STAU2: variants seen among roughly 807,000 people sequenced by gnomAD.
STAU2 encodes the protein double-stranded RNA-binding protein Staufen homolog 2.
In STAU2, 20 loss-of-function variants were observed where a neutral mutation model predicts 65.9. The ratio of observed to expected loss-of-function variants is 0.30; its 90% CI spans 0.21 to 0.44. STAU2 has a LOEUF of 0.44. Ranked by LOEUF, STAU2 falls within the 20% of genes least tolerant of loss-of-function variation. The probability of loss-of-function intolerance (pLI) is 1.00; values close to 1 mark genes in which losing one functional copy is unlikely to be tolerated. For synonymous variants in STAU2, 232 were observed against 233.9 expected (o/e 0.99, Z 0.07); for missense variants, 558 against 683.9 (o/e 0.82, Z 2.05).
At chr8:73,723,633 T>C (rs1160585483) in intron 3 of STAU2, among the ~76,000 whole-genome samples, 1 of 152,236 alleles carries the variant, frequency 6.6e-6, no homozygotes, top group Non-Finnish European at 1.5e-5. Flanking sequence ...TAATTTTTTC[T>C]GCAATGTCTA....
intron 13 of STAU2, among the ~76,000 whole-genome samples, chr8:73,526,584 A>C (rs939132558): frequency 9.9e-5 from 15 of 152,140 alleles, no homozygotes; most frequent in African/African-American, 3.6e-4. Flanking sequence ...TTACTGAAAA[A>C]CGGATATAAA....
intron 9 of STAU2, among the ~76,000 whole-genome samples, chr8:73,611,390 A>G (rs1375449371): frequency 6.6e-6 from 1 of 152,184 alleles, no homozygotes; most frequent in Non-Finnish European, 1.5e-5. Context: ...GTCTGGGAGT[A>G]GGAGAGGACC....
At chr8:73,562,268 T>C (rs1249015584) in intron 12 of STAU2, among the ~76,000 whole-genome samples, 1 of 152,118 alleles carries the variant, frequency 6.6e-6, no homozygotes, top group Non-Finnish European at 1.5e-5. Context: ...GGAGGATCAC[T>C]TGAGGCCACA....
At chr8:73,567,191 G>A (rs1222375777) in intron 12 of STAU2, among the ~76,000 whole-genome samples, 1 of 152,108 alleles carries the variant, frequency 6.6e-6, no homozygotes, top group East Asian at 1.9e-4. Context: ...GCCAGACACT[G>A]TGCTATGTGA....
At position 73,673,359 on chromosome 8, in the gene STAU2, C is replaced by G. The variant is rs905887464; in HGVS notation, c.275-117G>C. ...GAAGAAGGTAAGAATGGATGGACCACCTGTATGATTTTCTAAGGAACTGCG... is the reference window on the plus strand; with the variant it reads ...GAAGAAGGTAAGAATGGATGGACCAGCTGTATGATTTTCTAAGGAACTGCG... On this transcript the variant is annotated intron_variant, in intron 5 of 14. Transcript: ENST00000524300. The G allele has an allele frequency of 3.9e-6, 4 of 1,031,302 alleles. No homozygotes were observed. In the African/African-American group the frequency reaches 6.6e-5, roughly 17 times the overall value. 63.9% of individuals were successfully genotyped at this position (1,031,302 alleles called of 1,614,324 possible).
intron 13 of STAU2, among the ~76,000 whole-genome samples, chr8:73,485,167 T>C (rs1173639089): frequency 3.3e-3 from 298 of 91,396 alleles, no homozygotes; most frequent in African/African-American, 0.01. Flanking sequence ...TTTTTTTTTT[T>C]TTTGAGACAG....
intron 6 of STAU2, among the ~76,000 whole-genome samples, chr8:73,633,801 T>C (rs1413587413): frequency 1.3e-5 from 2 of 152,038 alleles, no homozygotes; most frequent in East Asian, 3.9e-4. Context: ...GACAACATGG[T>C]GAAACCCCAT....
chr8:73,746,744 A>T (rs1050276995), intron 1 of STAU2, 39 bp downstream of exon 1: 2 of 1,169,454 alleles, frequency 1.7e-6, no homozygotes, highest in African/African-American at 3.2e-5. Context: ...GCGGCGCGGA[A>T]GTCGGGGTCT....
rs182767886 is a variant in STAU2 at position 73,438,897 on chromosome 8, T to C, written c.1531-16195A>G. 1.1e-4 allele frequency: 49 copies of C among 455,240 alleles called. No individual in the cohort carries two copies. The Admixed American group carries it at 1.1e-3, about 11-fold the overall frequency. 28.2% of individuals were successfully genotyped at this position (455,240 alleles called of 1,614,324 possible). On this transcript the variant is annotated intron_variant, in intron 13 of 14. Coordinates refer to ENST00000524300, the MANE Select transcript of STAU2 (RefSeq NM_001164380.2). ...CTACCTAATGTGTGGGGAGCTTGATTTGCTGGTAAAAGCTGTCTTCCTTCC... is the reference window on the plus strand; with the variant it reads ...CTACCTAATGTGTGGGGAGCTTGATCTGCTGGTAAAAGCTGTCTTCCTTCC...
At chr8:73,515,561 A>C (rs1314535871) in intron 13 of STAU2, among the ~76,000 whole-genome samples, 4 of 152,174 alleles carry the variant, frequency 2.6e-5, no homozygotes, top group Admixed American at 2.6e-4. Context: ...CATAGAGTAC[A>C]AAAGTACCAT....
intron 12 of STAU2, among the ~76,000 whole-genome samples, chr8:73,554,863 G>A (rs571645327): frequency 3.3e-5 from 5 of 152,214 alleles, no homozygotes; most frequent in Admixed American, 6.5e-5. Context: ...CTTCATCTAC[G>A]AAATATTTCA....
intron 11 of STAU2, among the ~76,000 whole-genome samples, chr8:73,586,423 G>A (rs563798239): frequency 6.6e-6 from 1 of 152,056 alleles, no homozygotes; most frequent in East Asian, 1.9e-4. Flanking sequence ...CCTAATAGGG[G>A]TTTCCTGTTG....
intron 13 of STAU2, among the ~76,000 whole-genome samples, chr8:73,467,842 A>G (rs549528318): frequency 2.1e-3 from 319 of 152,298 alleles, no homozygotes; most frequent in African/African-American, 7.3e-3. Context: ...ATGCTCATGG[A>G]TAGGAAGAAT....
At chr8:73,704,383 A>G (rs1052388679) in intron 4 of STAU2, among the ~76,000 whole-genome samples, 6 of 152,218 alleles carry the variant, frequency 3.9e-5, no homozygotes, top group Non-Finnish European at 8.8e-5. Context: ...AACAAACCAA[A>G]TGTAAAAAGA....
chr8:73,716,553 T>C (rs1351056548), intron 3 of STAU2, among the ~76,000 whole-genome samples: 3 of 152,230 alleles, frequency 2.0e-5, no homozygotes, highest in Non-Finnish European at 4.4e-5. Context: ...AGTGTGTCCT[T>C]ACCAGTATTT....
At chr8:73,442,278 T>C (rs1031056454) in intron 13 of STAU2, among the ~76,000 whole-genome samples, 8 of 145,688 alleles carry the variant, frequency 5.5e-5, no homozygotes, top group Non-Finnish European at 1.2e-4. Flanking sequence ...GGTGTGAACT[T>C]GGAAGGTGGA....
At position 73,537,586 on chromosome 8, in the gene STAU2, T is replaced by C. The variant is rs1585959138; in HGVS notation, c.1530+14426A>G. Among the ~76,000 whole-genome samples the C allele has an allele frequency of 2.0e-5, 3 of 152,282 alleles. No homozygotes were observed. The East Asian group carries it at 5.8e-4, about 29-fold the overall frequency. ...AACGTTTTCCAAGTGCTGAAAGAACTGTCAGCCCAGACTTTTATATCTAGA... is the reference window on the plus strand; with the variant it reads ...AACGTTTTCCAAGTGCTGAAAGAACCGTCAGCCCAGACTTTTATATCTAGA... On this transcript the variant is annotated intron_variant, in intron 13 of 14. Coordinates refer to ENST00000524300, the MANE Select transcript of STAU2 (RefSeq NM_001164380.2).
At chr8:73,569,284 C>T (rs1808857382) in intron 12 of STAU2, among the ~76,000 whole-genome samples, 1 of 152,082 alleles carries the variant, frequency 6.6e-6, no homozygotes, top group South Asian at 2.1e-4. Context: ...ATTGCTGAGG[C>T]TTGAGTAGGT....
At chr8:73,429,950 C>T (rs568660071) in intron 13 of STAU2, among the ~76,000 whole-genome samples, 3 of 152,288 alleles carry the variant, frequency 2.0e-5, no homozygotes, top group African/African-American at 7.2e-5. Flanking sequence ...GTCAGCAGTC[C>T]GCTTCCAGCC....
Sources: gnomAD v4.1 joint callset for allele counts (sites outside exome capture counted in the v4.1 genomes callset) on GRCh38, gnomAD v4.1.1 for gene constraint, MANE v1.5 for transcripts, NCBI Gene and HGNC (gene_info 2026-07-23, HGNC 2026-07-21) for gene names.